The following NID1 variants were observed in gnomAD, a reference collection of about 807,000 sequenced individuals.
The protein encoded by NID1 is nidogen-1.
NID1 carries 76 observed loss-of-function variants against 130.6 expected under a neutral mutation model. The ratio of observed to expected loss-of-function variants is 0.58; its 90% CI spans 0.48 to 0.70. NID1 has a LOEUF of 0.70. Among genes scored for constraint, NID1 ranks in the 30% least tolerant of loss-of-function variants. The pLI is 0.00. For synonymous variants in NID1, 665 were observed against 675.1 expected (o/e 0.98, Z 0.23); for missense variants, 1,517 against 1,664.8 (o/e 0.91, Z 1.54).
Position 236,042,403 on chromosome 1 carries a change from G to A in NID1, c.753-111C>T, listed in dbSNP as rs1019944824. ...TGTGTTGGTCTGCAAGCCATCACCT[G>A]CAGCTAGGACTGGAGAGTGGAAGGG... On this transcript the variant is annotated intron_variant, in intron 3 of 19. Transcript: ENST00000264187. 6 of 1,376,110 alleles carry A rather than the reference G, an allele frequency of 4.4e-6. No individual in the cohort carries two copies. In the African/African-American group the frequency reaches 5.7e-5, roughly 13 times the overall value. The allele number at this position is 1,376,110 out of a possible 1,614,324, so 85.2% of individuals were successfully genotyped here. A position where few individuals can be genotyped will look rare whatever the true frequency, so the allele number is the denominator to read the frequency against.
At chr1:236,042,983 G>T (rs1430581515) in intron 3 of NID1, among the ~76,000 whole-genome samples, 1 of 152,180 alleles carries the variant, frequency 6.6e-6, no homozygotes, top group Non-Finnish European at 1.5e-5. Flanking sequence ...AATCAACTGT[G>T]CCTATGAAAT....
At chr1:235,989,022 T>C (rs1204805247) in intron 14 of NID1, among the ~76,000 whole-genome samples, 1 of 152,066 alleles carries the variant, frequency 6.6e-6, no homozygotes, top group Non-Finnish European at 1.5e-5. Flanking sequence ...TTTATCCCGT[T>C]GTTTCAGCAT....
At chr1:235,978,248 A>T (rs1224228090) in intron 19 of NID1, among the ~76,000 whole-genome samples, 3 of 152,270 alleles carry the variant, frequency 2.0e-5, no homozygotes, top group Admixed American at 2.0e-4. Context: ...GCTATTAAAC[A>T]GATCTCAGGG....
At chr1:236,022,024 C>T (rs541306053) in intron 9 of NID1, among the ~76,000 whole-genome samples, 94 of 152,190 alleles carry the variant, frequency 6.2e-4, no homozygotes, top group African/African-American at 2.0e-3. Context: ...AAGAAAAGAG[C>T]GTTGCGAGGC....
At chr1:236,025,767 TCCTGCCAGAAG>T in intron 8 of NID1, 118 bp downstream of exon 8, 2 of 1,293,464 alleles carry the variant, frequency 1.5e-6, no homozygotes, top group African/African-American at 1.5e-5. Flanking sequence ...ATTCTTTTTT[TCCTGCCAGAAG>T]ATACTTTAGC....
At chr1:235,986,444 A>C (rs1004766429) in intron 14 of NID1, among the ~76,000 whole-genome samples, 83 of 146,960 alleles carry the variant, frequency 5.6e-4, no homozygotes, top group East Asian at 1.0e-3. Context: ...AAAAAAAAAA[A>C]CCAGAAAATA....
rs1293499273 is a variant in NID1 at position 235,993,836 on chromosome 1, T to C, written c.2564A>G (p.His855Arg). Residue 855 changes from histidine (H) to arginine (R), a missense_variant, in exon 13 of 20, where the codon CAC (histidine) becomes CGC (arginine). His to Arg is a conservative substitution (Grantham distance 29). Coordinates refer to ENST00000264187, the MANE Select transcript of NID1 (RefSeq NM_002508.3). ...TGTCGCCCCCGCTGCCCCGAGAATGTGTTCTCGCTCGTGCTGGCACCGGGT... is the reference window on the plus strand; with the variant it reads ...TGTCGCCCCCGCTGCCCCGAGAATGCGTTCTCGCTCGTGCTGGCACCGGGT... ...EKTRCQHERE[H>R]ILGAAGATDP... The C allele has an allele frequency of 6.2e-7, 1 of 1,613,774 alleles. No individual in the cohort carries two copies. Among genetic ancestry groups the C allele is most frequent in the Admixed American group, 1.7e-5 (1 of 60,024 alleles).
At chr1:236,045,784 C>A in intron 2 of NID1, 101 bp from the exon 3 acceptor site, 1 of 835,290 alleles carries the variant, frequency 1.2e-6, no homozygotes, top group Non-Finnish European at 1.8e-6. Context: ...TGCTATAGAG[C>A]GATGGCAATA....
chr1:236,021,705 G>A (rs1309282766), intron 9 of NID1, among the ~76,000 whole-genome samples: 2 of 152,108 alleles, frequency 1.3e-5, no homozygotes, highest in Non-Finnish European at 2.9e-5. Context: ...TCCCACCAGG[G>A]AAGCTTACTT....
At chr1:236,064,614 T>C in intron 1 of NID1, 1 of 515,306 alleles carries the variant, frequency 1.9e-6, no homozygotes, top group Non-Finnish European at 3.5e-6. Context: ...GGTGCCGGGG[T>C]CACGGCCCGG....
At chr1:236,020,705 G>A (rs1658736356) in intron 9 of NID1, among the ~76,000 whole-genome samples, 1 of 152,156 alleles carries the variant, frequency 6.6e-6, no homozygotes, top group African/African-American at 2.4e-5. Flanking sequence ...CACATGAAGT[G>A]ATCTGCTTAA....
Position 236,042,295 on chromosome 1 carries a change from AG to A in NID1, c.753-4del. 6.3e-7 allele frequency: 1 copy of A among 1,598,682 alleles called. No individual in the cohort carries two copies. Among genetic ancestry groups the A allele is most frequent in the Admixed American group, 1.7e-5 (1 of 59,926 alleles). ...CCTGCTGCCCAGAGTTACTACTCCT[AG>A]GAGGAAGGACAGGCTTCTTAGAAAC... On this transcript the variant is annotated splice_polypyrimidine_tract_variant and splice_region_variant and intron_variant, in intron 3 of 19. Coordinates refer to ENST00000264187, the MANE Select transcript of NID1 (RefSeq NM_002508.3).
At chr1:235,982,973 C>A (rs919368146) in intron 15 of NID1, among the ~76,000 whole-genome samples, 1 of 152,170 alleles carries the variant, frequency 6.6e-6, no homozygotes, top group Admixed American at 6.5e-5. Flanking sequence ...CTCCTGAGTT[C>A]AAATGATTCT....
chr1:236,026,710 A>G (rs888674670), intron 7 of NID1, among the ~76,000 whole-genome samples: 1 of 151,412 alleles, frequency 6.6e-6, no homozygotes, highest in African/African-American at 2.4e-5. Context: ...TATCTCAATT[A>G]TGATTCAATA....
At chr1:236,062,526 C>T (rs1166950472) in intron 1 of NID1, among the ~76,000 whole-genome samples, 3 of 149,892 alleles carry the variant, frequency 2.0e-5, no homozygotes, top group South Asian at 2.1e-4. Context: ...CCCAGCTACT[C>T]GGGAGGCTGA....
chr1:236,033,433 A>G (rs1204361254), intron 5 of NID1, among the ~76,000 whole-genome samples: 3 of 152,150 alleles, frequency 2.0e-5, no homozygotes, highest in East Asian at 3.8e-4. Flanking sequence ...TTTAATAAAC[A>G]CTGTGAGCTC....
At chr1:236,012,069 G>C (rs1158060266) in intron 11 of NID1, 26 bp from the exon 12 acceptor site, 2 of 1,599,798 alleles carry the variant, frequency 1.3e-6, no homozygotes, top group African/African-American at 1.3e-5. Context: ...CAGGCCCAGG[G>C]ACAATGAGAT....
In NID1 at chr1:235,979,079, T is replaced by C. The variant is rs1426847108; in HGVS notation, c.3538A>G (p.Ile1180Val). The part of the protein sequence containing the change: ...MNSVVALDLA[I>V]SKETDAFQPH... ...TGGAAAGCATCCGTCTCCTTGGAAATTGCAAGATCGAGAGCAACCACGGAA... is the reference window on the plus strand; with the variant it reads ...TGGAAAGCATCCGTCTCCTTGGAAACTGCAAGATCGAGAGCAACCACGGAA... Residue 1180 changes from isoleucine (I) to valine (V), a missense_variant, in exon 19 of 20, where the codon ATT becomes GTT. Ile to Val is a conservative substitution (Grantham distance 29). Coordinates refer to ENST00000264187, the MANE Select transcript of NID1 (RefSeq NM_002508.3). This position sits in a 1 kb window ranked among gnomAD's most constrained non-coding sequence, Gnocchi z 4.6. 3.1e-6 allele frequency: 5 copies of C among 1,613,664 alleles called. No individual in the cohort carries two copies. In the African/African-American group the frequency reaches 4.0e-5, roughly 13 times the overall value.
At chr1:236,060,024 C>T (rs913590532) in intron 1 of NID1, among the ~76,000 whole-genome samples, 5 of 149,544 alleles carry the variant, frequency 3.3e-5, no homozygotes, top group African/African-American at 1.2e-4. Context: ...TGCTTGAACC[C>T]AGGAGGTGGA....
Sources: gnomAD v4.1 joint callset for allele counts (sites outside exome capture counted in the v4.1 genomes callset) on GRCh38, gnomAD v4.1.1 for gene constraint, Gnocchi (gnomAD v3.1) non-coding constraint, MANE v1.5 for transcripts, NCBI Gene and HGNC (gene_info 2026-07-23, HGNC 2026-07-21) for gene names.